Variants in CCDC150 observed in about 807,000 individuals in gnomAD.
CCDC150 encodes the protein coiled-coil domain-containing protein 150.
CCDC150 carries 151 observed loss-of-function variants against 156.5 expected under a neutral mutation model. The ratio of observed to expected loss-of-function variants is 0.97; its 90% confidence interval spans 0.85 to 1.10. The LOEUF (loss-of-function observed/expected upper bound fraction) is 1.10. Ranked by LOEUF, CCDC150 falls within the 50% of genes least tolerant of loss-of-function variation. The pLI, the probability that CCDC150 is intolerant of heterozygous loss-of-function variation, is 0.00. For missense variants in CCDC150, 1,312 were observed against 1,268.1 expected (o/e 1.03, Z -0.53); for synonymous variants, 452 against 429.4 (o/e 1.05, Z -0.65).
intron 13 of CCDC150, among the ~76,000 whole-genome samples, chr2:196,691,412 A>G (rs973187420): frequency 2.6e-5 from 4 of 152,074 alleles, no homozygotes; most frequent in African/African-American, 9.7e-5. Flanking sequence ...CAGGGATTCA[A>G]TTTCTTCTTC....
At position 196,672,365 on chromosome 2, in the gene CCDC150, C is replaced by A; in HGVS notation, c.957C>A (p.Asn319Lys). The A allele has an allele frequency of 6.5e-7, 1 of 1,532,552 alleles. No homozygotes were observed. Among genetic ancestry groups the A allele is most frequent in the East Asian group, 2.4e-5 (1 of 41,102 alleles). 94.9% of individuals were successfully genotyped at this position (1,532,552 alleles called of 1,614,324 possible). ...EENKNLQISF[N>K]KEHEENAYLR... ...TATAGAACCTGCAGATATCTTTCAA[C>A]AAGGAACATGAAGAAAATGCATATT... The change falls in exon 9 of 28, where the codon AAC (asparagine) becomes AAA (lysine). Residue 319 changes from asparagine (N) to lysine (K), a missense_variant. Asn to Lys is a moderately conservative substitution (Grantham distance 94). Coordinates refer to ENST00000389175, the MANE Select transcript of CCDC150 (RefSeq NM_001080539.2).
intron 13 of CCDC150, among the ~76,000 whole-genome samples, chr2:196,681,083 A>G (rs1215079000): frequency 1.3e-5 from 2 of 152,062 alleles, no homozygotes; most frequent in Non-Finnish European, 2.9e-5. Context: ...CCAAAAGGAA[A>G]CCCTGTACTA....
At chr2:196,730,231 C>T (rs902743972) in intron 25 of CCDC150, 113 bp downstream of exon 25, 1 of 883,116 alleles carries the variant, frequency 1.1e-6, no homozygotes, top group South Asian at 2.2e-5. Context: ...CACACATTTA[C>T]AAATTGTTTA....
chr2:196,689,163 T>G (rs891800558), intron 13 of CCDC150, among the ~76,000 whole-genome samples: 2 of 152,194 alleles, frequency 1.3e-5, no homozygotes, highest in African/African-American at 4.8e-5. Context: ...TAGTATAATT[T>G]GAAGTCAGGT....
chr2:196,685,073 C>G (rs116056076), intron 13 of CCDC150, among the ~76,000 whole-genome samples: 3 of 151,900 alleles, frequency 2.0e-5, no homozygotes, highest in Non-Finnish European at 4.4e-5. Context: ...GGATTTATAT[C>G]TGCCATTTTG....
intron 22 of CCDC150, chr2:196,726,840 G>T (rs1201789344): frequency 6.6e-6 from 1 of 152,144 alleles, no homozygotes; most frequent in Admixed American, 6.6e-5. Flanking sequence ...CCACCTGATG[G>T]ATGGCCTTAG....
At chr2:196,731,985 T>C in intron 26 of CCDC150, 48 bp from the exon 27 acceptor site, 1 of 1,578,298 alleles carries the variant, frequency 6.3e-7, no homozygotes, top group Non-Finnish European at 8.6e-7. Flanking sequence ...ACAAAAAAAC[T>C]TGTAACTCTT....
At position 196,676,615 on chromosome 2, in the gene CCDC150, AC is replaced by A. The variant is rs1417186490; in HGVS notation, c.1325del (p.Thr442LysfsTer8). On this transcript the variant is annotated frameshift_variant, in exon 12 of 28. Transcript: ENST00000389175. LOFTEE classifies it high-confidence loss of function. ...IQKAQDAEKR[T>X]AVQKELLEST... ...GAAAGCACAGGATGCTGAAAAGAGA[AC>A]AGCTGTGCAAAAAGAGCTGCTAGAA... 2 of 1,613,654 alleles carry A rather than the reference AC, an allele frequency of 1.2e-6. No homozygotes were observed. The highest frequency in any genetic ancestry group is 1.3e-5 in the African/African-American group (1 of 74,938).
intron 13 of CCDC150, chr2:196,686,076 C>T (rs113691886): frequency 0.023 from 3,731 of 159,350 alleles, 78 homozygotes; most frequent in Non-Finnish European, 0.028. Context: ...TTGCTTTCAA[C>T]AGTTTACTTA....
chr2:196,677,011 C>T, intron 12 of CCDC150: 2 of 668,124 alleles, frequency 3.0e-6, no homozygotes, highest in South Asian at 1.5e-5. Context: ...ATTGATTTCC[C>T]CTGAAGGAGT....
chr2:196,697,944 T>C (rs1369445076), intron 14 of CCDC150, among the ~76,000 whole-genome samples: 5 of 152,336 alleles, frequency 3.3e-5, no homozygotes, highest in Middle Eastern at 3.4e-3. Context: ...TTTGTGTTTC[T>C]GAGTTAAAAT....
intron 15 of CCDC150, among the ~76,000 whole-genome samples, chr2:196,708,640 G>A (rs1696861584): frequency 6.6e-6 from 1 of 152,186 alleles, no homozygotes; most frequent in Admixed American, 6.5e-5. Context: ...TGCAGTGGCT[G>A]GTACCGGTTG....
intron 5 of CCDC150, among the ~76,000 whole-genome samples, chr2:196,665,011 C>T (rs900877939): frequency 5.9e-5 from 9 of 151,862 alleles, no homozygotes; most frequent in African/African-American, 1.5e-4. Context: ...GTTTTCAGAG[C>T]GATGTGTATA....
intron 13 of CCDC150, among the ~76,000 whole-genome samples, chr2:196,677,880 C>T (rs1448804233): frequency 6.6e-6 from 1 of 151,998 alleles, no homozygotes; most frequent in Non-Finnish European, 1.5e-5. Context: ...ATCCCAGCTA[C>T]TCGGGAGGCT....
rs1286038914 is a variant in CCDC150 at position 196,672,399 on chromosome 2, G to T, written c.991G>T (p.Glu331Ter). ...EHEENAYLRS[E>*]IMSLHEASEK... is the part of the protein sequence containing the mutation. Reference sequence around the variant, plus strand: ...TGAAGAAAATGCATATTTGAGGTCCGAAATAATGTCTCTTCATGAAGCATC... The same window carrying T: ...TGAAGAAAATGCATATTTGAGGTCCTAAATAATGTCTCTTCATGAAGCATC... Residue 331 changes from glutamate (E) to a stop codon, truncating the protein, a stop_gained, in exon 9 of 28, where the codon GAA becomes TAA. Transcript: ENST00000389175. LOFTEE classifies it high-confidence loss of function. The T allele has an allele frequency of 1.3e-6, 2 of 1,545,086 alleles. No homozygotes were observed. Among genetic ancestry groups the T allele is most frequent in the Non-Finnish European group, 1.7e-6 (2 of 1,148,042 alleles).
intron 13 of CCDC150, among the ~76,000 whole-genome samples, chr2:196,678,316 T>C (rs912551225): frequency 6.6e-6 from 1 of 152,202 alleles, no homozygotes; most frequent in African/African-American, 2.4e-5. Flanking sequence ...TGCTTCTGGT[T>C]TGCCCAAGTA....
intron 15 of CCDC150, among the ~76,000 whole-genome samples, chr2:196,708,555 T>A (rs1025446007): frequency 2.0e-5 from 3 of 152,188 alleles, no homozygotes; most frequent in Non-Finnish European, 4.4e-5. Flanking sequence ...CATCATGATG[T>A]TAGCTGGTTA....
chr2:196,703,744 A>G (rs1559257776), intron 15 of CCDC150, among the ~76,000 whole-genome samples: 1 of 152,216 alleles, frequency 6.6e-6, no homozygotes, highest in Non-Finnish European at 1.5e-5. Context: ...ACTGGGAATG[A>G]AATATATTTT....
chr2:196,646,201 A>G, intron 1 of CCDC150, 140 bp from the exon 2 acceptor site: 1 of 676,912 alleles, frequency 1.5e-6, no homozygotes, highest in Non-Finnish European at 2.5e-6. Flanking sequence ...TTCCACCTAC[A>G]TTTAATTGGC....
Sources: gnomAD v4.1 joint callset for allele counts (sites outside exome capture counted in the v4.1 genomes callset) on GRCh38, gnomAD v4.1.1 for gene constraint, MANE v1.5 for transcripts, NCBI Gene and HGNC (gene_info 2026-07-23, HGNC 2026-07-21) for gene names.